Variants in MAD1L1 observed in about 807,000 individuals in gnomAD.
MAD1L1 encodes mitotic spindle assembly checkpoint protein MAD1.
A neutral mutation model predicts 96.9 loss-of-function variants in MAD1L1; 95 were observed. The observed-to-expected ratio is 0.98, with a 90% CI of 0.83 to 1.16. MAD1L1 has a LOEUF of 1.16. Ranked by LOEUF, MAD1L1 falls within the 50% of genes most tolerant of loss-of-function variation. The pLI is 0.00. For synonymous variants in MAD1L1, 473 were observed against 396.6 expected, an observed-to-expected ratio of 1.19 and a Z score of -2.29; for missense variants, 1,007 against 954.4, an observed-to-expected ratio of 1.06 and a Z score of -0.73.
At chr7:2,034,546 G>C (rs374868796) in intron 12 of MAD1L1, among the ~76,000 whole-genome samples, 38 of 152,314 alleles carry the variant, frequency 2.5e-4, no homozygotes, top group African/African-American at 8.9e-4. Flanking sequence ...TCTACACGAA[G>C]AAACATCGTA....
At chr7:2,070,137 T>C (rs1785055151) in intron 11 of MAD1L1, among the ~76,000 whole-genome samples, 2 of 152,228 alleles carry the variant, frequency 1.3e-5, no homozygotes, top group African/African-American at 4.8e-5. Flanking sequence ...GGCCTGGCAG[T>C]AGCGGGCCTC....
At chr7:2,037,519 T>A (rs1207748201) in intron 12 of MAD1L1, among the ~76,000 whole-genome samples, 1 of 152,236 alleles carries the variant, frequency 6.6e-6, no homozygotes, top group Non-Finnish European at 1.5e-5. Flanking sequence ...AGACATTGTA[T>A]CACTATTATA....
chr7:2,044,106 G>A (rs563235334), intron 12 of MAD1L1, among the ~76,000 whole-genome samples: 13 of 152,330 alleles, frequency 8.5e-5, no homozygotes, highest in South Asian at 2.1e-4. Flanking sequence ...GCCACAATGC[G>A]CCGCAGGAAG....
intron 16 of MAD1L1, among the ~76,000 whole-genome samples, chr7:1,939,756 C>A (rs564539352): frequency 5.9e-5 from 9 of 152,336 alleles, no homozygotes; most frequent in African/African-American, 2.2e-4. Flanking sequence ...GTGAAGAGAC[C>A]GGGCGCAGTA....
chr7:1,878,583 A>C (rs1238074604), intron 18 of MAD1L1, among the ~76,000 whole-genome samples: 1 of 151,558 alleles, frequency 6.6e-6, no homozygotes, highest in Non-Finnish European at 1.5e-5. Flanking sequence ...AAAAAAAAAA[A>C]CTGACAAAAT....
intron 11 of MAD1L1, among the ~76,000 whole-genome samples, chr7:2,104,360 G>A (rs943361223): frequency 6.6e-6 from 1 of 152,374 alleles, no homozygotes; most frequent in Non-Finnish European, 1.5e-5. Flanking sequence ...CCGCGAAGGA[G>A]AGCCGTCACG....
chr7:2,055,356 C>T (rs898391186), intron 12 of MAD1L1, among the ~76,000 whole-genome samples: 6 of 152,096 alleles, frequency 3.9e-5, no homozygotes, highest in East Asian at 1.9e-4. Flanking sequence ...CCCTGTGGCC[C>T]GCATCGTAGG....
intron 10 of MAD1L1, among the ~76,000 whole-genome samples, chr7:2,150,710 G>A (rs1033751128): frequency 5.3e-5 from 8 of 152,224 alleles, no homozygotes; most frequent in African/African-American, 1.4e-4. Context: ...GATGTCCTGC[G>A]GCCTGGCCCA....
intron 17 of MAD1L1, among the ~76,000 whole-genome samples, chr7:1,920,918 A>AGGAC (rs1219965529): frequency 6.6e-6 from 1 of 152,262 alleles, no homozygotes; most frequent in Non-Finnish European, 1.5e-5. Flanking sequence ...CATCCGGTCC[A>AGGAC]GACAGAAAAG....
chr7:2,149,779 C>T (rs896295787), intron 10 of MAD1L1, among the ~76,000 whole-genome samples: 1 of 152,204 alleles, frequency 6.6e-6, no homozygotes, highest in Non-Finnish European at 1.5e-5. Flanking sequence ...GTGAAACAGC[C>T]GCTTCAAAGT....
At chr7:2,046,392 C>CTGG (rs2128514376) in intron 12 of MAD1L1, among the ~76,000 whole-genome samples, 1 of 152,322 alleles carries the variant, frequency 6.6e-6, no homozygotes, top group African/African-American at 2.4e-5. Flanking sequence ...CTCCTCCTCC[C>CTGG]AGGCCCGGCG....
intron 17 of MAD1L1, among the ~76,000 whole-genome samples, chr7:1,923,668 G>A (rs1788931918): frequency 6.6e-6 from 1 of 152,274 alleles, no homozygotes; most frequent in Admixed American, 6.5e-5. Context: ...TGTGGCCGTG[G>A]GACTGACTGC....
chr7:2,106,386 C>T (rs1397417757), intron 11 of MAD1L1, among the ~76,000 whole-genome samples: 1 of 151,610 alleles, frequency 6.6e-6, no homozygotes, highest in African/African-American at 2.4e-5. Flanking sequence ...ATGCCCATCC[C>T]TGGAGACGGC....
Position 2,114,372 on chromosome 7 carries a change from C to T in MAD1L1, c.1073+34780G>A, listed in dbSNP as rs1787550753. 6.6e-6 allele frequency among the ~76,000 whole-genome samples: 1 copy of T among 152,234 alleles called. No individual in the cohort carries two copies. On this transcript the variant is annotated intron_variant, in intron 11 of 18. Coordinates refer to ENST00000265854, the MANE Select transcript of MAD1L1 (RefSeq NM_001013836.2). This position sits in a 1 kb window ranked among gnomAD's most constrained non-coding sequence, Gnocchi z 4.2. ...TTCCCTACACAGAGCACAGCTCCCA[C>T]CCTGCAGCACCGCCCAGCCGGGGCC...
In MAD1L1 at chr7:2,230,045, C is replaced by T; in HGVS notation, c.89G>A (p.Gly30Glu). The T allele has an allele frequency of 6.2e-7, 1 of 1,613,772 alleles. No homozygotes were observed. The change falls in exon 3 of 19, where the codon GGA (glycine) becomes GAA (glutamate). Residue 30 changes from glycine to glutamate, a missense_variant. Physicochemically the swap from Gly to Glu is moderately conservative, Grantham distance 98. Coordinates refer to ENST00000265854, the MANE Select transcript of MAD1L1 (RefSeq NM_001013836.2). ...FISQRVEGGS[G>E]LDISTSAPGS... ...TGGGGCCGAGGTAGAAATATCCAGT[C>T]CAGAGCCTCCCTCCACACGCTGAGA... is the stretch of plus-strand genomic sequence containing the variant.
intron 16 of MAD1L1, among the ~76,000 whole-genome samples, chr7:1,952,074 C>A (rs1047271831): frequency 6.6e-6 from 1 of 152,220 alleles, no homozygotes; most frequent in Admixed American, 6.5e-5. Flanking sequence ...TGCAAACTCC[C>A]ATGGCAGGAA....
chr7:2,181,332 T>C (rs564671030), intron 10 of MAD1L1, among the ~76,000 whole-genome samples: 3 of 152,386 alleles, frequency 2.0e-5, no homozygotes, highest in African/African-American at 7.2e-5. Context: ...ATGACTTTTC[T>C]GAACTAATTC....
At chr7:1,873,559 G>C (rs989717993) in intron 18 of MAD1L1, among the ~76,000 whole-genome samples, 1 of 152,014 alleles carries the variant, frequency 6.6e-6, no homozygotes, top group Non-Finnish European at 1.5e-5. Context: ...CTACGGATGG[G>C]GGCCAAGGGG....
chr7:2,162,111 G>A (rs141832413), intron 10 of MAD1L1, among the ~76,000 whole-genome samples: 33,390 of 151,876 alleles, frequency 0.22, 3,786 homozygotes, highest in Middle Eastern at 0.35. Flanking sequence ...CATTGAGAAC[G>A]GGCCATGATG....
Sources: gnomAD v4.1 joint callset for allele counts (sites outside exome capture counted in the v4.1 genomes callset) on GRCh38, gnomAD v4.1.1 for gene constraint, Gnocchi (gnomAD v3.1) non-coding constraint, MANE v1.5 for transcripts, NCBI Gene and HGNC (gene_info 2026-07-23, HGNC 2026-07-21) for gene names.